Variants in JPH3 observed in about 807,000 individuals in gnomAD.
The protein encoded by JPH3 is junctophilin-3.
Under a neutral mutation model 59.6 loss-of-function variants are expected in JPH3, and 11 were observed. That is an observed-to-expected ratio of 0.18 (90% confidence interval 0.12 to 0.31). The LOEUF (loss-of-function observed/expected upper bound fraction) is 0.31. Ranked by LOEUF, JPH3 falls within the 10% of genes least tolerant of loss-of-function variation. The probability of loss-of-function intolerance (pLI) is 1.00; values close to 1 mark genes in which losing one functional copy is unlikely to be tolerated. For synonymous variants in JPH3, 673 were observed against 483.6 expected (o/e 1.39, Z -5.14); for missense variants, 1,202 against 1,105.7 (o/e 1.09, Z -1.24).
intron 1 of JPH3, among the ~76,000 whole-genome samples, chr16:87,619,472 C>G (rs1447178550): frequency 6.6e-6 from 1 of 152,222 alleles, no homozygotes; most frequent in Non-Finnish European, 1.5e-5. Context: ...CTGAGATAAA[C>G]TGCGCTGGGT....
At chr16:87,619,763 G>A (rs1017574608) in intron 1 of JPH3, among the ~76,000 whole-genome samples, 2 of 152,240 alleles carry the variant, frequency 1.3e-5, no homozygotes, top group African/African-American at 4.8e-5. Context: ...GGACAGTGGT[G>A]AACAAAGAGC....
At chr16:87,665,862 C>T (rs12444421) in intron 2 of JPH3, among the ~76,000 whole-genome samples, 25,239 of 152,170 alleles carry the variant, frequency 0.17, 2,398 homozygotes, top group Middle Eastern at 0.24. Flanking sequence ...AACACTGGTC[C>T]CTGGGACACA....
At chr16:87,686,110 C>T (rs890794882) in intron 3 of JPH3, among the ~76,000 whole-genome samples, 12 of 152,192 alleles carry the variant, frequency 7.9e-5, no homozygotes, top group African/African-American at 1.2e-4. Context: ...GCAGCACTCC[C>T]GACACCTGGA....
intron 1 of JPH3, among the ~76,000 whole-genome samples, chr16:87,616,846 C>T (rs779220268): frequency 2.0e-5 from 3 of 152,206 alleles, no homozygotes; most frequent in Non-Finnish European, 4.4e-5. Context: ...GCTCTGTAAA[C>T]GGAAAAGTAC....
At chr16:87,624,834 T>C (rs1402282361) in intron 1 of JPH3, among the ~76,000 whole-genome samples, 1 of 152,236 alleles carries the variant, frequency 6.6e-6, no homozygotes, top group African/African-American at 2.4e-5. Context: ...AGTTTCACTC[T>C]TGTTGCCCAG....
chr16:87,631,479 C>G (rs1028980376), intron 1 of JPH3, among the ~76,000 whole-genome samples: 9 of 152,024 alleles, frequency 5.9e-5, no homozygotes, highest in African/African-American at 2.2e-4. Flanking sequence ...GATTCTCAGT[C>G]CTTCATTTGT....
intron 4 of JPH3, chr16:87,694,549 T>C (rs1219006185): frequency 1.3e-5 from 2 of 152,236 alleles, no homozygotes; most frequent in Non-Finnish European, 2.9e-5. Flanking sequence ...TGAGTTTGCA[T>C]CCTTCCTGTG....
At chr16:87,670,750 G>A (rs948285347) in intron 2 of JPH3, among the ~76,000 whole-genome samples, 11 of 152,246 alleles carry the variant, frequency 7.2e-5, no homozygotes, top group South Asian at 2.1e-4. Context: ...AGGGGCCTAC[G>A]CAGGGGCCTG....
chr16:87,603,116 C>T lies in JPH3; in HGVS notation c.-31C>T, dbSNP rs770706667. 27 of 1,613,506 alleles carry T rather than the reference C, an allele frequency of 1.7e-5. No homozygotes were observed. Among genetic ancestry groups the T allele is most frequent in the African/African-American group, 5.3e-5 (4 of 74,912 alleles). Reference sequence around the variant, plus strand: ...GTCGATCGCCTGAGTCCGTTTTCACCGTTTGCGGGATCTGGAACCGAGTTA... The same window carrying T: ...GTCGATCGCCTGAGTCCGTTTTCACTGTTTGCGGGATCTGGAACCGAGTTA... On this transcript the variant is annotated 5_prime_UTR_variant, in exon 1 of 5. Coordinates refer to ENST00000284262, the MANE Select transcript of JPH3 (RefSeq NM_020655.4).
Position 87,690,071 on chromosome 16 carries a change from C to G in JPH3, c.1711C>G (p.Pro571Ala). The G allele has an allele frequency of 6.3e-7, 1 of 1,581,482 alleles. No homozygotes were observed. The highest frequency in any genetic ancestry group is 8.6e-7 in the Non-Finnish European group (1 of 1,163,570). ...CCGCAAGCAGCCCGGGAACCCCAAG[C>G]CGCGGGAGCGGCGGACGGAGTCACC... ...SGRKQPGNPK[P>A]RERRTESPPV... The change falls in exon 4 of 5, where the codon CCG (proline) becomes GCG (alanine). Residue 571 changes from proline (P) to alanine (A), a missense_variant. Pro to Ala is a conservative substitution (Grantham distance 27, BLOSUM62 -1). Transcript: ENST00000284262.
At chr16:87,638,212 C>G (rs1028167763) in intron 1 of JPH3, among the ~76,000 whole-genome samples, 1 of 152,202 alleles carries the variant, frequency 6.6e-6, no homozygotes, top group African/African-American at 2.4e-5. Flanking sequence ...AGCCACCACA[C>G]CCGGCCTCCT....
At chr16:87,619,705 A>G (rs769728529) in intron 1 of JPH3, among the ~76,000 whole-genome samples, 102 of 152,172 alleles carry the variant, frequency 6.7e-4, no homozygotes, top group East Asian at 5.8e-4. Context: ...GGGCCACACA[A>G]GTATCTACTG....
chr16:87,613,671 G>T (rs2030823217), intron 1 of JPH3, among the ~76,000 whole-genome samples: 1 of 152,110 alleles, frequency 6.6e-6, no homozygotes, highest in Non-Finnish European at 1.5e-5. Context: ...TTGAATTTGT[G>T]GACTTGGAAC....
chr16:87,663,521 A>C (rs1178979383), intron 2 of JPH3, among the ~76,000 whole-genome samples: 2 of 152,206 alleles, frequency 1.3e-5, no homozygotes, highest in African/African-American at 4.8e-5. Flanking sequence ...AAGATAACAC[A>C]AGTTTCCCGT....
intron 2 of JPH3, among the ~76,000 whole-genome samples, chr16:87,659,972 C>T (rs538613022): frequency 6.6e-6 from 1 of 152,242 alleles, no homozygotes; most frequent in South Asian, 2.1e-4. Context: ...CTTCTGGGCC[C>T]GTTGAGCTCT....
At chr16:87,644,055 C>T (rs988187583) in intron 1 of JPH3, among the ~76,000 whole-genome samples, 5 of 152,178 alleles carry the variant, frequency 3.3e-5, no homozygotes, top group Non-Finnish European at 5.9e-5. Context: ...GGAGGATCGC[C>T]TGAGCCCAGG....
chr16:87,651,301 T>C (rs1466063196), intron 2 of JPH3, among the ~76,000 whole-genome samples: 1 of 152,244 alleles, frequency 6.6e-6, no homozygotes, highest in Non-Finnish European at 1.5e-5. Flanking sequence ...TGAATGTTGT[T>C]TGCGTGCCTG....
intron 3 of JPH3, among the ~76,000 whole-genome samples, chr16:87,688,146 T>G (rs1268871846): frequency 6.6e-6 from 1 of 151,984 alleles, no homozygotes; most frequent in African/African-American, 2.4e-5. Context: ...CAGCCCTGTT[T>G]CTGGGGAGTG....
At chr16:87,636,500 C>A (rs530026729) in intron 1 of JPH3, among the ~76,000 whole-genome samples, 2 of 152,186 alleles carry the variant, frequency 1.3e-5, no homozygotes, top group African/African-American at 2.4e-5. Flanking sequence ...CTGCGGCGAG[C>A]GTGGAGGCCC....
Sources: allele counts gnomAD v4.1 joint callset (sites outside exome capture counted in the v4.1 genomes callset), GRCh38; gene constraint gnomAD v4.1.1; transcripts MANE v1.5; gene names NCBI Gene and HGNC (gene_info 2026-07-23, HGNC 2026-07-21).